GRID2: variants seen among roughly 807,000 people sequenced by gnomAD.
The protein encoded by GRID2 is glutamate receptor ionotropic, delta-2.
Under a neutral mutation model 114.8 loss-of-function variants are expected in GRID2, and 33 were observed. The ratio of observed to expected loss-of-function variants is 0.29; its 90% confidence interval spans 0.22 to 0.38. The LOEUF (loss-of-function observed/expected upper bound fraction) is 0.38, where lower values mean the gene tolerates loss of function less well. Among genes scored for constraint, GRID2 ranks in the 10% least tolerant of loss-of-function variants. The pLI, the probability that GRID2 is intolerant of heterozygous loss-of-function variation, is 1.00. For synonymous variants in GRID2, 505 were observed against 449.9 expected, an observed-to-expected ratio of 1.12 and a Z score of -1.55; for missense variants, 1,184 against 1,257.7, an observed-to-expected ratio of 0.94 and a Z score of 0.89.
intron 1 of GRID2, among the ~76,000 whole-genome samples, chr4:92,422,470 A>G (rs577298505): frequency 5.9e-5 from 9 of 152,180 alleles, no homozygotes; most frequent in East Asian, 1.9e-4. Flanking sequence ...AGTCTCCCCA[A>G]GCATTCAGGA....
intron 11 of GRID2, among the ~76,000 whole-genome samples, chr4:93,467,262 A>G (rs1724373529): frequency 6.6e-6 from 1 of 152,194 alleles, no homozygotes; most frequent in Admixed American, 6.5e-5. Flanking sequence ...AAAATAATTT[A>G]TACTATTAAA....
intron 2 of GRID2, chr4:92,884,885 G>C: frequency 2.5e-6 from 1 of 405,982 alleles, no homozygotes; most frequent in Non-Finnish European, 5.1e-6. Flanking sequence ...GAAATGTTCT[G>C]AGAATGGTAC....
Position 92,713,187 on chromosome 4 carries a change from A to T in GRID2, c.244+122901A>T, listed in dbSNP as rs1028403042. On this transcript the variant is annotated intron_variant, in intron 2 of 15. Transcript: ENST00000282020. ...ACAGGCCCCGGTATGTGATGTTCATAGGTGGGAATTGAACAATGACTTGAC... is the reference window on the plus strand; with the variant it reads ...ACAGGCCCCGGTATGTGATGTTCATTGGTGGGAATTGAACAATGACTTGAC... 2.7e-5 allele frequency among the ~76,000 whole-genome samples: 4 copies of T among 150,916 alleles called. No individual in the cohort carries two copies. The South Asian group carries it at 8.4e-4, about 32-fold the overall frequency.
intron 4 of GRID2, among the ~76,000 whole-genome samples, chr4:93,172,580 AG>A (rs1738944412): frequency 1.3e-5 from 2 of 152,036 alleles, no homozygotes; most frequent in African/African-American, 2.4e-5. Context: ...CGACAGGGCG[AG>A]ACTCCATCTC....
intron 4 of GRID2, among the ~76,000 whole-genome samples, chr4:93,113,606 C>T (rs1268775269): frequency 6.6e-6 from 1 of 152,162 alleles, no homozygotes; most frequent in African/African-American, 2.4e-5. Flanking sequence ...CATTCCTTTT[C>T]TCAAGTTTAT....
chr4:92,818,085 T>C (rs1421284279), intron 2 of GRID2, among the ~76,000 whole-genome samples: 1 of 152,196 alleles, frequency 6.6e-6, no homozygotes, highest in Non-Finnish European at 1.5e-5. Flanking sequence ...TTGTCTTTTA[T>C]GTTATCACTA....
At chr4:93,298,657 C>A (rs1025582886) in intron 8 of GRID2, among the ~76,000 whole-genome samples, 25 of 152,210 alleles carry the variant, frequency 1.6e-4, no homozygotes, top group Admixed American at 4.6e-4. Context: ...TTACTCCAAC[C>A]CTTCTTCAAA....
intron 4 of GRID2, among the ~76,000 whole-genome samples, chr4:93,132,156 A>G (rs1734863845): frequency 1.3e-5 from 2 of 152,204 alleles, no homozygotes; most frequent in African/African-American, 4.8e-5. Flanking sequence ...GGGATGTTGC[A>G]CTATTTTTCC....
At chr4:93,713,982 G>T (rs547702931) in intron 14 of GRID2, among the ~76,000 whole-genome samples, 1 of 151,986 alleles carries the variant, frequency 6.6e-6, no homozygotes, top group East Asian at 1.9e-4. Flanking sequence ...GGATGTGCAG[G>T]TTTGTTACGT....
intron 2 of GRID2, among the ~76,000 whole-genome samples, chr4:93,041,878 A>C (rs1370284695): frequency 6.6e-6 from 1 of 152,158 alleles, no homozygotes; most frequent in East Asian, 1.9e-4. Context: ...AAAAATATAC[A>C]CACATATATA....
intron 2 of GRID2, among the ~76,000 whole-genome samples, chr4:92,749,167 C>T (rs528777763): frequency 2.0e-5 from 3 of 151,506 alleles, no homozygotes; most frequent in Non-Finnish European, 4.4e-5. Flanking sequence ...TCAGGCCTAG[C>T]TGATTTTTGT....
At chr4:93,711,360 G>C (rs1728464064) in intron 14 of GRID2, among the ~76,000 whole-genome samples, 1 of 152,124 alleles carries the variant, frequency 6.6e-6, no homozygotes. Context: ...GGTATGTCTA[G>C]AAATGTTGTC....
chr4:93,578,617 G>A (rs568515738), intron 13 of GRID2, among the ~76,000 whole-genome samples: 1,250 of 83,380 alleles, frequency 0.015, 11 homozygotes, highest in Non-Finnish European at 0.018. Flanking sequence ...TTTTTGAGTT[G>A]GAGTCTCACT....
At chr4:93,200,233 A>C (rs998340009) in intron 4 of GRID2, among the ~76,000 whole-genome samples, 2 of 152,218 alleles carry the variant, frequency 1.3e-5, no homozygotes, top group African/African-American at 4.8e-5. Context: ...GGATAAAAAT[A>C]ATTAAAAGGA....
chr4:92,814,414 A>G (rs1740787620), intron 2 of GRID2, among the ~76,000 whole-genome samples: 1 of 152,154 alleles, frequency 6.6e-6, no homozygotes, highest in Non-Finnish European at 1.5e-5. Context: ...GTACCCAAAA[A>G]GAACCTCTTC....
intron 13 of GRID2, among the ~76,000 whole-genome samples, chr4:93,533,592 G>C (rs1037613995): frequency 1.2e-4 from 17 of 138,254 alleles, no homozygotes. Flanking sequence ...GTTTCACCAG[G>C]TTGGCCAGGC....
intron 1 of GRID2, among the ~76,000 whole-genome samples, chr4:92,328,830 A>G (rs1726729020): frequency 1.3e-5 from 2 of 152,166 alleles, no homozygotes; most frequent in African/African-American, 4.8e-5. Context: ...ACAGCTAAGG[A>G]TTAGTTAATA....
intron 2 of GRID2, among the ~76,000 whole-genome samples, chr4:92,816,946 A>G (rs1463326533): frequency 1.3e-5 from 2 of 152,124 alleles, no homozygotes; most frequent in Non-Finnish European, 1.5e-5. Flanking sequence ...TTTGTACATA[A>G]CTACCTAGCT....
chr4:92,948,855 C>T (rs1751831387), intron 2 of GRID2, among the ~76,000 whole-genome samples: 2 of 152,036 alleles, frequency 1.3e-5, no homozygotes, highest in Middle Eastern at 3.4e-3. Flanking sequence ...TATTCTTTCA[C>T]TTATTCTAGG....
Sources: allele counts gnomAD v4.1 joint callset (sites outside exome capture counted in the v4.1 genomes callset), GRCh38; gene constraint gnomAD v4.1.1; transcripts MANE v1.5; gene names NCBI Gene and HGNC (gene_info 2026-07-23, HGNC 2026-07-21).